Variants in RNF17 observed in about 807,000 individuals in gnomAD.
RNF17 encodes ring finger protein 17.
A neutral mutation model predicts 200.5 loss-of-function variants in RNF17; 31 were observed. The observed-to-expected ratio is 0.15, with a 90% confidence interval of 0.12 to 0.21. RNF17 has a LOEUF of 0.21. Ranked by LOEUF, RNF17 falls within the 10% of genes least tolerant of loss-of-function variation. The pLI is 1.00. For missense variants in RNF17, 1,628 were observed against 1,905.1 expected, an observed-to-expected ratio of 0.85 and a Z score of 2.71; for synonymous variants, 606 against 637.8, an observed-to-expected ratio of 0.95 and a Z score of 0.75.
At chr13:24,752,647 G>A in the RNF17 span, among the ~76,000 whole-genome samples, 3 of 152,306 alleles carry the variant, frequency 2.0e-5, no homozygotes, top group East Asian at 1.9e-4. Context: ...TAGATGGCCC[G>A]CCGAGGCTGC....
chr13:24,760,777 G>A (rs572727160), upstream of RNF17, among the ~76,000 whole-genome samples: 1 of 152,236 alleles, frequency 6.6e-6, no homozygotes, highest in Admixed American at 6.5e-5. Flanking sequence ...AACTCAGTAG[G>A]AAGAAAACAA....
At chr13:24,820,085 T>G (rs552695292) in intron 15 of RNF17, among the ~76,000 whole-genome samples, 42 of 151,890 alleles carry the variant, frequency 2.8e-4, no homozygotes, top group African/African-American at 8.9e-4. Context: ...TCCTTCTGGC[T>G]TCCAAAATTT....
chr13:24,841,973 A>T, intron 18 of RNF17, 68 bp from the exon 19 acceptor site: 1 of 1,455,888 alleles, frequency 6.9e-7, no homozygotes, highest in East Asian at 2.4e-5. Context: ...CTCCAAAAAA[A>T]AAAATTGCCT....
At chr13:24,855,362 G>A (rs1163969905) in intron 25 of RNF17, among the ~76,000 whole-genome samples, 1 of 152,062 alleles carries the variant, frequency 6.6e-6, no homozygotes, top group Non-Finnish European at 1.5e-5. Context: ...AGGCACGGTG[G>A]CTCATGCCTG....
At chr13:24,796,053 T>A in intron 10 of RNF17, 84 bp from the exon 11 acceptor site, 1 of 1,037,872 alleles carries the variant, frequency 9.6e-7, no homozygotes, top group East Asian at 2.5e-5. Flanking sequence ...AGACACTCTT[T>A]TAGAGGCTAT....
At chr13:24,759,267 A>C (rs1175184592), upstream of RNF17, among the ~76,000 whole-genome samples, 2 of 152,158 alleles carry the variant, frequency 1.3e-5, no homozygotes, top group East Asian at 3.9e-4. Context: ...CATGGGGAAA[A>C]GTAAGCTGGG....
At position 24,788,120 on chromosome 13, in the gene RNF17, A is replaced by G. The variant is rs1883357835; in HGVS notation, c.744A>G (p.Gln248=). 1 of 1,594,540 alleles carries G rather than the reference A, an allele frequency of 6.3e-7. No homozygotes were observed. Among genetic ancestry groups the G allele is most frequent in the African/African-American group, 1.4e-5 (1 of 73,556 alleles). ...NAAMNIARAL[Q]LSPSLRTYCD... ...CTATGAACATAGCAAGAGCATTACA[A>G]TTATCGCCTTCTCTAAGAACATACT... is the stretch of plus-strand genomic sequence containing the variant. Residue 248 remains glutamine, a synonymous_variant, in exon 7 of 36, where the codon CAA becomes CAG. Coordinates refer to ENST00000255324, the MANE Select transcript of RNF17 (RefSeq NM_031277.3).
At chr13:24,807,013 G>A (rs908955554) in intron 15 of RNF17, among the ~76,000 whole-genome samples, 1 of 151,782 alleles carries the variant, frequency 6.6e-6, no homozygotes, top group African/African-American at 2.4e-5. Flanking sequence ...ATTCCATGGT[G>A]TATGTGTGCC....
rs1442728881 is a variant in RNF17 at position 24,764,271 on chromosome 13, A to G, written c.68A>G (p.Gln23Arg). 1.9e-6 allele frequency: 3 copies of G among 1,610,840 alleles called. No homozygotes were observed. Among genetic ancestry groups the G allele is most frequent in the African/African-American group, 1.3e-5 (1 of 74,908 alleles). Residue 23 changes from glutamine to arginine, a missense_variant, in exon 1 of 36, where the codon CAG (glutamine) becomes CGG (arginine). Gln to Arg is a conservative substitution (Grantham distance 43). Around this residue, in one of 5 missense-constraint regions of RNF17, gnomAD observed 502 missense variants for 501.7 expected, o/e 1.00. Coordinates refer to ENST00000255324, the MANE Select transcript of RNF17 (RefSeq NM_031277.3). ...SSYQRMGRKS[Q>R]PWGAAEIQCT... The stretch of plus-strand genomic sequence containing the variant: ...TACCAGCGAATGGGGAGGAAGAGTC[A>G]GCCCTGGGGTGCCGCTGAAATCCAG...
intron 5 of RNF17, among the ~76,000 whole-genome samples, chr13:24,781,405 G>T (rs1593235890): frequency 6.6e-6 from 1 of 152,044 alleles, no homozygotes; most frequent in East Asian, 1.9e-4. Flanking sequence ...GCCAAGGCAG[G>T]AGGATCACTT....
downstream of RNF17, chr13:24,883,223 C>G: frequency 6.2e-7 from 1 of 1,614,080 alleles, no homozygotes; most frequent in Non-Finnish European, 8.5e-7. Flanking sequence ...GTCCTTAACT[C>G]TTATCCGACC....
rs1458791071 is a variant in RNF17 at position 24,844,992 on chromosome 13, T to C, written c.3014T>C (p.Val1005Ala). Residue 1005 changes from valine to alanine, a missense_variant, in exon 22 of 36, where the codon GTA (valine) becomes GCA (alanine). Coordinates refer to ENST00000255324, the MANE Select transcript of RNF17 (RefSeq NM_031277.3). ...VLLYDVGVELVVNVDCLRKLE... is the reference protein window; with the variant it reads ...VLLYDVGVELAVNVDCLRKLE... ...CTGTATGATGTGGGTGTTGAACTAGTAGTGAATGTTGACTGTTTAAGAAAA... is the reference window on the plus strand; with the variant it reads ...CTGTATGATGTGGGTGTTGAACTAGCAGTGAATGTTGACTGTTTAAGAAAA... 2.5e-6 allele frequency: 4 copies of C among 1,605,360 alleles called. No individual in the cohort carries two copies. Among genetic ancestry groups the C allele is most frequent in the Non-Finnish European group, 3.4e-6 (4 of 1,172,306 alleles).
intron 11 of RNF17, among the ~76,000 whole-genome samples, chr13:24,797,950 T>C (rs568530054): frequency 6.6e-6 from 1 of 152,290 alleles, no homozygotes; most frequent in Non-Finnish European, 1.5e-5. Flanking sequence ...AAGCGCTCTG[T>C]GAATCCACCT....
chr13:24,782,540 G>A (rs1046054298), intron 6 of RNF17, among the ~76,000 whole-genome samples: 1 of 151,960 alleles, frequency 6.6e-6, no homozygotes, highest in Non-Finnish European at 1.5e-5. Context: ...AGCCAGGTGT[G>A]GTGGCTTACA....
At chr13:24,866,084 G>A (rs1470225392) in intron 29 of RNF17, 60 bp from the exon 30 acceptor site, 11 of 913,992 alleles carry the variant, frequency 1.2e-5, no homozygotes, top group Non-Finnish European at 3.5e-6. Context: ...GATGAAATAT[G>A]GAAAGTACCT....
At chr13:24,858,525 A>G (rs1187237674) in intron 25 of RNF17, among the ~76,000 whole-genome samples, 1 of 150,280 alleles carries the variant, frequency 6.7e-6, no homozygotes, top group Admixed American at 6.7e-5. Context: ...AAGCAGTAAG[A>G]TGGGAATGGT....
chr13:24,833,006 A>G (rs990868620), intron 18 of RNF17, among the ~76,000 whole-genome samples: 1 of 152,128 alleles, frequency 6.6e-6, no homozygotes, highest in Non-Finnish European at 1.5e-5. Context: ...TCGGCCTCCC[A>G]AAGTTCTGGG....
chr13:24,868,681 G>A lies in RNF17; in HGVS notation c.4243G>A (p.Ala1415Thr). ...SSLPSPGELY[A>T]VQVKHVVSPN... is the part of the protein sequence containing the mutation. ...TCTGCCTTCCCCAGGAGAACTCTAT[G>A]CTGTTCAAGTTAAGCACGTTGTCTC... Residue 1415 changes from alanine (A) to threonine (T), a missense_variant, in exon 31 of 36, where the codon GCT becomes ACT. Ala to Thr is a moderately conservative substitution (Grantham distance 58). Around this residue, in one of 5 missense-constraint regions of RNF17, gnomAD observed 609 missense variants for 681.9 expected, o/e 0.89. Coordinates refer to ENST00000255324, the MANE Select transcript of RNF17 (RefSeq NM_031277.3). 1 of 1,599,174 alleles carries A rather than the reference G, an allele frequency of 6.3e-7. No individual in the cohort carries two copies. Among genetic ancestry groups the A allele is most frequent in the Non-Finnish European group, 8.6e-7 (1 of 1,166,580 alleles).
At chr13:24,853,792 G>A (rs918675386) in intron 24 of RNF17, 63 bp from the exon 25 acceptor site, 2 of 1,238,408 alleles carry the variant, frequency 1.6e-6, no homozygotes, top group African/African-American at 1.5e-5. Flanking sequence ...TTCTTTTTAT[G>A]TTGTTTTACC....
Sources: gnomAD v4.1 joint callset for allele counts (sites outside exome capture counted in the v4.1 genomes callset) on GRCh38, gnomAD v4.1.1 for gene constraint, gnomAD v4.1.1 regional missense constraint, MANE v1.5 for transcripts, NCBI Gene and HGNC (gene_info 2026-07-23, HGNC 2026-07-21) for gene names.